Variants in DHX37 observed in about 807,000 individuals in gnomAD.
The protein encoded by DHX37 is probable ATP-dependent RNA helicase DHX37.
A neutral mutation model predicts 134.3 loss-of-function variants in DHX37; 52 were observed. The observed-to-expected ratio is 0.39, with a 90% CI of 0.31 to 0.49. The LOEUF (loss-of-function observed/expected upper bound fraction) is 0.49. Ranked by LOEUF, DHX37 falls within the 20% of genes least tolerant of loss-of-function variation. The pLI, the probability that DHX37 is intolerant of heterozygous loss-of-function variation, is 0.93. For synonymous variants in DHX37, 634 were observed against 670.7 expected, an observed-to-expected ratio of 0.95 and a Z score of 0.85; for missense variants, 1,344 against 1,580.8, an observed-to-expected ratio of 0.85 and a Z score of 2.54.
At chr12:124,968,683 G>A (rs1298350069) in intron 9 of DHX37, 35 bp from the exon 10 acceptor site, 4 of 1,613,546 alleles carry the variant, frequency 2.5e-6, no homozygotes, top group South Asian at 1.1e-5. Context: ...GGGAGTGGGG[G>A]GGACACGAGC....
chr12:124,966,873 C>T lies in DHX37; in HGVS notation c.1510G>A (p.Asp504Asn), dbSNP rs1319340920. 1 of 1,614,112 alleles carries T rather than the reference C, an allele frequency of 6.2e-7. No individual in the cohort carries two copies. The highest frequency in any genetic ancestry group is 2.2e-5 in the East Asian group (1 of 44,896). ...TCCACCGAGTCTTTCTGATCGTCGT[C>T]CTTTTCTGGGAGAGGGGCAGGTTGG... ...PPSRARPQEK[D>N]DDQKDSVEEM... Residue 504 changes from aspartate (D) to asparagine (N), a missense_variant, in exon 12 of 27, where the codon GAC becomes AAC. Asp to Asn is a conservative substitution (Grantham distance 23, BLOSUM62 1). Coordinates refer to ENST00000308736, the MANE Select transcript of DHX37 (RefSeq NM_032656.4).
intron 1 of DHX37, 55 bp downstream of exon 1, chr12:124,988,862 C>T: frequency 8.4e-7 from 1 of 1,188,314 alleles, no homozygotes; most frequent in Non-Finnish European, 1.1e-6. Flanking sequence ...GAAGGCAGGG[C>T]ACAGGCCGCC....
intron 13 of DHX37, 86 bp from the exon 14 acceptor site, chr12:124,965,092 G>T: frequency 7.0e-7 from 1 of 1,436,074 alleles, no homozygotes; most frequent in Non-Finnish European, 9.5e-7. Context: ...TGCACCCCCA[G>T]GCTGCTCCAC....
chr12:124,966,799 C>T lies in DHX37; in HGVS notation c.1584G>A (p.Arg528=). The stretch of plus-strand genomic sequence containing the variant: ...CTGCCAGCCCCCCACGTACCTCAGC[C>T]CGCGCCTTCTTGGCCCTGGCCCTTG... ...KKSRARAKKA[R]AEVLPQINLD... Residue 528 remains arginine (R), a synonymous_variant, in exon 12 of 27, where the codon CGG becomes CGA. Coordinates refer to ENST00000308736, the MANE Select transcript of DHX37 (RefSeq NM_032656.4). 1.2e-6 allele frequency: 2 copies of T among 1,614,252 alleles called. No individual in the cohort carries two copies. The highest frequency in any genetic ancestry group is 1.7e-6 in the Non-Finnish European group (2 of 1,180,042).
Position 124,948,132 on chromosome 12 carries a change from C to T in DHX37, c.3340G>A (p.Ala1114Thr). Residue 1114 changes from alanine to threonine, a missense_variant, in exon 26 of 27, where the codon GCT (alanine) becomes ACT (threonine). Coordinates refer to ENST00000308736, the MANE Select transcript of DHX37 (RefSeq NM_032656.4). ...GCCAGCAAGGCTTCATGGCAGTCAG[C>T]CTTCTCTGCAACCAGGGCTCGCAGA... The part of the protein sequence containing the change: ...SLLRALVAEK[A>T]DCHEALLAAW... 6.2e-7 allele frequency: 1 copy of T among 1,614,242 alleles called. No homozygotes were observed. The highest frequency in any genetic ancestry group is 8.5e-7 in the Non-Finnish European group (1 of 1,180,050).
rs1954732910 is a variant in DHX37, at chr12:124,980,392, C to A, written c.738+98G>T. 4 of 1,332,354 alleles carry A rather than the reference C, an allele frequency of 3.0e-6. No individual in the cohort carries two copies. Among genetic ancestry groups the A allele is most frequent in the Middle Eastern group, 2.6e-4 (1 of 3,842 alleles). 82.5% of individuals were successfully genotyped at this position (1,332,354 alleles called of 1,614,324 possible). On this transcript the variant is annotated intron_variant, in intron 4 of 26. Transcript: ENST00000308736. The surrounding 1 kb of genome is among the most constrained non-coding windows in gnomAD (Gnocchi z 5.3). ...TTTCCCAGATGGGGACATGGAGGCA[C>A]AGAGAAGGGATGCCCTTGCCCCACT... is the stretch of plus-strand genomic sequence containing the variant.
At chr12:124,957,617 T>G (rs1398829039) in intron 16 of DHX37, among the ~76,000 whole-genome samples, 1 of 151,916 alleles carries the variant, frequency 6.6e-6, no homozygotes, top group African/African-American at 2.4e-5. Context: ...GAAACCCCCA[T>G]CTCTACTAAA....
intron 5 of DHX37, among the ~76,000 whole-genome samples, chr12:124,977,060 A>AAT (rs1954661604): frequency 6.6e-6 from 1 of 151,610 alleles, no homozygotes; most frequent in African/African-American, 2.4e-5. Flanking sequence ...AAAAAAAAAA[A>AAT]AGGAAAAAAG....
At position 124,971,432 on chromosome 12, in the gene DHX37, G is replaced by A; in HGVS notation, c.1078-17C>T. 1 of 1,611,430 alleles carries A rather than the reference G, an allele frequency of 6.2e-7. No individual in the cohort carries two copies. The highest frequency in any genetic ancestry group is 1.1e-5 in the South Asian group (1 of 90,720). On this transcript the variant is annotated splice_polypyrimidine_tract_variant and intron_variant, in intron 7 of 26. Transcript: ENST00000308736. The stretch of plus-strand genomic sequence containing the variant: ...CAGGAAGTCCTGGGGGGAGGTCCGG[G>A]GTGAGGCCCACCCTTCCAGCCTAAG...
rs1189251162 is a variant in DHX37, at chr12:124,986,274, G to A, written c.107-9C>T. ...CTTCAACGTGTCCTTGTCTGAGAGA[G>A]CACAGTTATTAAGTCCCCATTCTCC... On this transcript the variant is annotated splice_polypyrimidine_tract_variant and intron_variant, in intron 1 of 26. Coordinates refer to ENST00000308736, the MANE Select transcript of DHX37 (RefSeq NM_032656.4). The A allele has an allele frequency of 6.2e-7, 1 of 1,612,542 alleles. No homozygotes were observed. The highest frequency in any genetic ancestry group is 8.5e-7 in the Non-Finnish European group (1 of 1,179,736).
chr12:124,960,174 A>G, intron 16 of DHX37, 138 bp downstream of exon 16: 1 of 1,415,974 alleles, frequency 7.1e-7, no homozygotes. Flanking sequence ...AAGCCCTGGG[A>G]GCACCTGCTG....
intron 3 of DHX37, among the ~76,000 whole-genome samples, chr12:124,981,810 C>G (rs1468986523): frequency 1.3e-5 from 2 of 151,868 alleles, no homozygotes; most frequent in Non-Finnish European, 2.9e-5. Context: ...TATTGGCAAA[C>G]AGCACTCATG....
At chr12:124,978,978 T>C (rs1200757644) in intron 4 of DHX37, among the ~76,000 whole-genome samples, 4 of 150,122 alleles carry the variant, frequency 2.7e-5, no homozygotes, top group African/African-American at 9.8e-5. Flanking sequence ...GACCCAAAGA[T>C]GGCTATCACG....
intron 18 of DHX37, among the ~76,000 whole-genome samples, chr12:124,956,430 T>C (rs1204890799): frequency 6.6e-6 from 1 of 152,246 alleles, no homozygotes; most frequent in Non-Finnish European, 1.5e-5. Context: ...AAGTAAATTT[T>C]GTTAAATACA....
rs1019851182 is a variant in DHX37 at position 124,949,928 on chromosome 12, G to A, written c.3290+58C>T. The A allele has an allele frequency of 3.3e-6, 5 of 1,531,142 alleles. No individual in the cohort carries two copies. The African/African-American group carries it at 5.5e-5, about 17-fold the overall frequency. The allele number at this position is 1,531,142 out of a possible 1,614,324, so 94.8% of individuals were successfully genotyped here. On this transcript the variant is annotated intron_variant, in intron 25 of 26. Coordinates refer to ENST00000308736, the MANE Select transcript of DHX37 (RefSeq NM_032656.4). This position sits in a 1 kb window ranked among gnomAD's most constrained non-coding sequence, Gnocchi z 4.0. ...TGCTTTGTCCTGGCAGCCCCGGGGAGGTCATTCAGGCCTCGGACCCCTCCT... is the reference window on the plus strand; with the variant it reads ...TGCTTTGTCCTGGCAGCCCCGGGGAAGTCATTCAGGCCTCGGACCCCTCCT...
chr12:124,962,017 C>T (rs1384393028), intron 15 of DHX37, among the ~76,000 whole-genome samples: 1 of 152,008 alleles, frequency 6.6e-6, no homozygotes, highest in East Asian at 1.9e-4. Flanking sequence ...CTGTGTGTGA[C>T]AGGAAATAGT....
chr12:124,954,258 T>C (rs750208899), intron 18 of DHX37, 47 bp from the exon 19 acceptor site: 179 of 1,521,386 alleles, frequency 1.2e-4, no homozygotes, highest in Non-Finnish European at 1.5e-4. Context: ...TCGGCTGCGC[T>C]CAGGGCCTCA....
At position 124,965,695 on chromosome 12, in the gene DHX37, C is replaced by T; in HGVS notation, c.1708G>A (p.Asp570Asn). The change falls in exon 13 of 27, where the codon GAC becomes AAC. Residue 570 changes from aspartate (D) to asparagine (N), a missense_variant. Asp to Asn is a conservative substitution (Grantham distance 23). Coordinates refer to ENST00000308736, the MANE Select transcript of DHX37 (RefSeq NM_032656.4). ...CCATCTTGCCCGCCATCCCCCAGGT[C>T]CAGATCGAGGTCGGAGTCCAGGGCC... ...EGALDSDLDL[D>N]LGDGGQDGGE... is the part of the protein sequence containing the mutation. The T allele has an allele frequency of 6.2e-7, 1 of 1,613,146 alleles. No homozygotes were observed. The highest frequency in any genetic ancestry group is 2.2e-5 in the East Asian group (1 of 44,884).
At chr12:124,981,573 C>T (rs573928019) in intron 3 of DHX37, among the ~76,000 whole-genome samples, 2 of 152,184 alleles carry the variant, frequency 1.3e-5, no homozygotes, top group South Asian at 4.1e-4. Context: ...TAGCTGAGAC[C>T]ACAGGCATGA....
Sources: allele counts gnomAD v4.1 joint callset (sites outside exome capture counted in the v4.1 genomes callset), GRCh38; gene constraint gnomAD v4.1.1; non-coding constraint Gnocchi (gnomAD v3.1); transcripts MANE v1.5; gene names NCBI Gene and HGNC (gene_info 2026-07-23, HGNC 2026-07-21).